The following SDCCAG8 variants were observed in gnomAD, a reference collection of about 807,000 sequenced individuals.
The protein encoded by SDCCAG8 is serologically defined colon cancer antigen 8.
A neutral mutation model predicts 101.8 loss-of-function variants in SDCCAG8; 74 were observed. The observed-to-expected ratio is 0.73, with a 90% CI of 0.60 to 0.88. SDCCAG8 has a LOEUF of 0.88. Among genes scored for constraint, SDCCAG8 ranks in the 40% least tolerant of loss-of-function variants. SDCCAG8 has a pLI of 0.00. For synonymous variants in SDCCAG8, 281 were observed against 292.9 expected, an observed-to-expected ratio of 0.96 and a Z score of 0.41; for missense variants, 787 against 822.6, an observed-to-expected ratio of 0.96 and a Z score of 0.53.
At chr1:243,308,885 C>A (rs12061451) in intron 8 of SDCCAG8, among the ~76,000 whole-genome samples, 42,191 of 152,012 alleles carry the variant, frequency 0.28, 5,967 homozygotes, top group South Asian at 0.47. Flanking sequence ...TTCCATGCCC[C>A]CTACTTTTCT....
intron 8 of SDCCAG8, among the ~76,000 whole-genome samples, chr1:243,312,268 A>G (rs747109163): frequency 6.6e-6 from 1 of 152,250 alleles, no homozygotes; most frequent in Non-Finnish European, 1.5e-5. Context: ...TACCTGAATG[A>G]CTTTAACATG....
At position 243,368,050 on chromosome 1, in the gene SDCCAG8, C is replaced by CA. The variant is rs533381055; in HGVS notation, c.1474-10663dup. Among the ~76,000 whole-genome samples, 64 of 150,778 alleles carry CA rather than the reference C, an allele frequency of 4.2e-4. 1 individual carries two copies. In the South Asian group the frequency reaches 6.1e-3, roughly 14 times the overall value. The stretch of plus-strand genomic sequence containing the variant: ...GCAACATGACAAAACCCCGTCTCTA[C>CA]AAAAAAAATACAGAAATTAGCCTGG... On this transcript the variant is annotated intron_variant, in intron 12 of 17. Transcript: ENST00000366541.
rs969854656 is a variant in SDCCAG8, at chr1:243,302,041, A to G, written c.676-2672A>G. Among the ~76,000 whole-genome samples the G allele has an allele frequency of 8.5e-5, 13 of 152,128 alleles. 1 individual carries two copies. The highest frequency in any genetic ancestry group is 1.6e-4 in the Non-Finnish European group (11 of 68,012). ...GGTGGGCGGATCACCTGAGGTCAGG[A>G]GTTCAAGACCAGCTTGGCCAACATG... is the stretch of plus-strand genomic sequence containing the variant. On this transcript the variant is annotated intron_variant, in intron 6 of 17. Coordinates refer to ENST00000366541, the MANE Select transcript of SDCCAG8 (RefSeq NM_006642.5).
In SDCCAG8 at chr1:243,431,720, G is replaced by A. The variant is rs115028867; in HGVS notation, c.1985+5162G>A. On this transcript the variant is annotated intron_variant, in intron 16 of 17. Transcript: ENST00000366541. ...CTATTTCTCCCTAGAAAATAGAGCT[G>A]TGTGAAAATCCCCCAGTGTATACAG... Among the ~76,000 whole-genome samples the A allele has an allele frequency of 3.8e-3, 585 of 152,018 alleles. 10 individuals carry two copies. Among genetic ancestry groups the A allele is most frequent in the African/African-American group, 0.014 (563 of 41,462 alleles).
intron 4 of SDCCAG8, among the ~76,000 whole-genome samples, chr1:243,280,676 T>A (rs1246789011): frequency 6.6e-6 from 1 of 152,244 alleles, no homozygotes. Flanking sequence ...CTTCTTTGAT[T>A]CATGTGTGTC....
chr1:243,448,147 C>T (rs1474474168), intron 16 of SDCCAG8, among the ~76,000 whole-genome samples: 3 of 152,190 alleles, frequency 2.0e-5, no homozygotes, highest in South Asian at 4.1e-4. Flanking sequence ...GAGGTGTCAT[C>T]CACAGGTGAA....
intron 8 of SDCCAG8, 36 bp downstream of exon 8, chr1:243,308,213 A>G: frequency 6.2e-7 from 1 of 1,608,778 alleles, no homozygotes; most frequent in Non-Finnish European, 8.5e-7. Flanking sequence ...GACTTTGGCA[A>G]TATGGAAAAT....
At chr1:243,349,013 A>AC (rs1400597896) in intron 12 of SDCCAG8, among the ~76,000 whole-genome samples, 15 of 151,776 alleles carry the variant, frequency 9.9e-5, no homozygotes, top group Admixed American at 3.9e-4. Flanking sequence ...AACAAAACAA[A>AC]AAAAAAAAAA....
chr1:243,359,272 G>GC (rs1178921416), intron 12 of SDCCAG8, among the ~76,000 whole-genome samples: 95 of 152,276 alleles, frequency 6.2e-4, no homozygotes, highest in Non-Finnish European at 7.4e-5. Context: ...GAACAGGCTT[G>GC]CTCCATACTG....
intron 12 of SDCCAG8, among the ~76,000 whole-genome samples, chr1:243,346,558 A>T (rs1051069147): frequency 8.5e-5 from 13 of 152,238 alleles, no homozygotes; most frequent in Admixed American, 8.5e-4. Flanking sequence ...AAATAGGGCA[A>T]ATGGTTAACC....
In SDCCAG8 at chr1:243,474,802, C is replaced by T. The variant is rs1662066267; in HGVS notation, c.1986-14212C>T. On this transcript the variant is annotated intron_variant, in intron 16 of 17. Transcript: ENST00000366541. This position sits in a 1 kb window ranked among gnomAD's most constrained non-coding sequence, Gnocchi z 4.7. The stretch of plus-strand genomic sequence containing the variant: ...GACTGGTTGAGTAAGGGAGGAGGCT[C>T]GTCCTGAACGTGCACAGCCGCTCCT... 6.6e-6 allele frequency among the ~76,000 whole-genome samples: 1 copy of T among 152,230 alleles called. No individual in the cohort carries two copies. The highest frequency in any genetic ancestry group is 2.1e-4 in the South Asian group (1 of 4,836).
chr1:243,267,681 G>A (rs950516002), intron 1 of SDCCAG8: 1 of 772,934 alleles, frequency 1.3e-6, no homozygotes, highest in Admixed American at 1.7e-5. Flanking sequence ...GTTACTCTCT[G>A]TACTAAGCAG....
intron 16 of SDCCAG8, among the ~76,000 whole-genome samples, chr1:243,485,772 C>A (rs1246088671): frequency 1.3e-5 from 2 of 151,804 alleles, no homozygotes; most frequent in Non-Finnish European, 1.5e-5. Flanking sequence ...GGCACGGTGG[C>A]AGGAGCCTAT....
intron 3 of SDCCAG8, among the ~76,000 whole-genome samples, chr1:243,274,121 G>A (rs1254625351): frequency 6.6e-6 from 1 of 152,174 alleles, no homozygotes; most frequent in African/African-American, 2.4e-5. Context: ...AGGGCCTCAG[G>A]AAACTTTCAG....
intron 13 of SDCCAG8, among the ~76,000 whole-genome samples, chr1:243,403,097 ATGG>A (rs1180610733): frequency 4.6e-5 from 7 of 152,338 alleles, no homozygotes; most frequent in African/African-American, 1.7e-4. Context: ...AACCTTTCAA[ATGG>A]TGATCTGGGC....
intron 13 of SDCCAG8, among the ~76,000 whole-genome samples, chr1:243,402,562 C>G (rs2079480537): frequency 6.6e-6 from 1 of 152,066 alleles, no homozygotes; most frequent in Admixed American, 6.5e-5. Flanking sequence ...TCTTCACACC[C>G]CTTTGTGTAT....
At chr1:243,397,498 C>A (rs560368917) in intron 13 of SDCCAG8, among the ~76,000 whole-genome samples, 21 of 152,244 alleles carry the variant, frequency 1.4e-4, no homozygotes, top group African/African-American at 4.8e-4. Flanking sequence ...ACGTTCCATT[C>A]AAATTTATCT....
At chr1:243,409,180 C>A (rs2079995200) in intron 13 of SDCCAG8, among the ~76,000 whole-genome samples, 1 of 152,042 alleles carries the variant, frequency 6.6e-6, no homozygotes, top group Non-Finnish European at 1.5e-5. Flanking sequence ...ATTTGCTTTC[C>A]ATAGATTATT....
intron 13 of SDCCAG8, among the ~76,000 whole-genome samples, chr1:243,403,601 C>T (rs963422135): frequency 3.9e-5 from 6 of 152,102 alleles, no homozygotes; most frequent in Admixed American, 2.0e-4. Context: ...GTTCCCAACT[C>T]GGGGTCACCT....
Sources: allele counts gnomAD v4.1 joint callset (sites outside exome capture counted in the v4.1 genomes callset), GRCh38; gene constraint gnomAD v4.1.1; non-coding constraint Gnocchi (gnomAD v3.1); transcripts MANE v1.5; gene names NCBI Gene and HGNC (gene_info 2026-07-23, HGNC 2026-07-21).